Variants in SMUG1 observed in about 807,000 individuals in gnomAD.
SMUG1 encodes single-strand-selective monofunctional uracil-DNA glycosylase 1, also known as single-strand selective monofunctional uracil DNA glycosylase.
A neutral mutation model predicts 23.9 loss-of-function variants in SMUG1; 13 were observed. The observed-to-expected ratio is 0.54, with a 90% CI of 0.35 to 0.86. The LOEUF (loss-of-function observed/expected upper bound fraction) is 0.86. Ranked by LOEUF, SMUG1 falls within the 40% of genes least tolerant of loss-of-function variation. The probability of loss-of-function intolerance (pLI) is 0.01; values close to 1 mark genes in which losing one functional copy is unlikely to be tolerated. For synonymous variants in SMUG1, 133 were observed against 139.8 expected (o/e 0.95, Z 0.34); for missense variants, 313 against 339.5 (o/e 0.92, Z 0.61).
chr12:54,167,554 T>TC (rs889359597), intron 3 of SMUG1, among the ~76,000 whole-genome samples: 3 of 151,806 alleles, frequency 2.0e-5, no homozygotes. Context: ...GATACACGTC[T>TC]CTCCTCATGG....
chr12:54,174,586 G>A (rs1055787459), intron 2 of SMUG1, among the ~76,000 whole-genome samples: 3 of 152,232 alleles, frequency 2.0e-5, no homozygotes, highest in African/African-American at 7.2e-5. Context: ...GCAAAAACAT[G>A]TCCTCCACAT....
intron 3 of SMUG1, 110 bp from the exon 4 acceptor site, chr12:54,182,733 T>C (rs538667087): frequency 5.4e-6 from 8 of 1,491,808 alleles, no homozygotes; most frequent in Middle Eastern, 4.7e-4. Context: ...CTGCACCCCC[T>C]ACCCCTACCT....
chr12:54,172,196 G>C (rs1344916543), intron 2 of SMUG1: 1 of 426,330 alleles, frequency 2.3e-6, no homozygotes, highest in Non-Finnish European at 4.9e-6. Flanking sequence ...GAGTTTTACT[G>C]TAACTTATTA....
intron 2 of SMUG1, among the ~76,000 whole-genome samples, chr12:54,186,681 A>G (rs1466209836): frequency 1.3e-5 from 2 of 152,004 alleles, no homozygotes; most frequent in African/African-American, 4.8e-5. Flanking sequence ...GGTGATTCTG[A>G]TGGTTGGTGA....
At chr12:54,160,129 C>G (rs994381142), downstream of SMUG1, among the ~76,000 whole-genome samples, 1 of 152,140 alleles carries the variant, frequency 6.6e-6, no homozygotes, top group African/African-American at 2.4e-5. Flanking sequence ...GGGCAGGGAC[C>G]CCCCCACCCC....
At position 54,183,727 on chromosome 12, in the gene SMUG1, A is replaced by G; in HGVS notation, c.214T>C (p.Tyr72His). 1 of 1,614,038 alleles carries G rather than the reference A, an allele frequency of 6.2e-7. No homozygotes were observed. The highest frequency in any genetic ancestry group is 1.1e-5 in the South Asian group (1 of 91,074). ...AGTACTTCCTTGGGGCCCTGGCAGT[A>G]GCGAGTCACGTAGTTGCGATGTGGC... ...WEPHRNYVTR[Y>H]CQGPKEVLFL... is the part of the protein sequence containing the mutation. The change falls in exon 3 of 4, where the codon TAC becomes CAC. Residue 72 changes from tyrosine (Y) to histidine (H), a missense_variant. Physicochemically the swap from Tyr to His is moderately conservative, Grantham distance 83 (BLOSUM62 2). Transcript: ENST00000682136.
At chr12:54,167,124 G>A (rs1055842111) in intron 3 of SMUG1, among the ~76,000 whole-genome samples, 2 of 152,072 alleles carry the variant, frequency 1.3e-5, no homozygotes, top group African/African-American at 2.4e-5. Context: ...TCAAACTGAC[G>A]GACATTCCTA....
chr12:54,174,683 G>A (rs903311759), intron 2 of SMUG1, among the ~76,000 whole-genome samples: 3 of 152,244 alleles, frequency 2.0e-5, no homozygotes, highest in Non-Finnish European at 2.9e-5. Context: ...TGGCAACCTG[G>A]CTTGGCACAG....
At position 54,181,525 on chromosome 12, in the gene SMUG1, C is replaced by G; in HGVS notation, c.*571G>C. ...AATCAAAAAGTTCCAAGTTTCAAAG[C>G]TGGGATGAAAAGCCAGGTCTTCTGA... On this transcript the variant is annotated 3_prime_UTR_variant, in exon 4 of 4. Coordinates refer to ENST00000682136, the MANE Select transcript of SMUG1 (RefSeq NM_001243787.2). The G allele has an allele frequency of 1.2e-5, 18 of 1,535,674 alleles. No homozygotes were observed. The highest frequency in any genetic ancestry group is 1.6e-5 in the Non-Finnish European group (18 of 1,145,758).
downstream of SMUG1, among the ~76,000 whole-genome samples, chr12:54,160,245 C>T (rs912047735): frequency 1.3e-5 from 2 of 152,356 alleles, no homozygotes; most frequent in Non-Finnish European, 1.5e-5. Context: ...TATGCAAATG[C>T]CCTCATTAGA....
intron 3 of SMUG1, chr12:54,183,438 G>A (rs1275937613): frequency 3.4e-6 from 2 of 586,566 alleles, no homozygotes; most frequent in Admixed American, 6.1e-5. Context: ...AGCTCACAGG[G>A]AAAACGAAAC....
chr12:54,179,551 G>T (rs1282566133), downstream of SMUG1, among the ~76,000 whole-genome samples: 2 of 152,164 alleles, frequency 1.3e-5, no homozygotes, highest in Admixed American at 6.5e-5. Flanking sequence ...GAGAAGGAAA[G>T]GAGTCTATGG....
downstream of SMUG1, chr12:54,162,602 C>T (rs990821776): frequency 3.9e-5 from 6 of 152,158 alleles, no homozygotes; most frequent in African/African-American, 1.4e-4. Context: ...CTAGTGATGT[C>T]AAGCAAAGAG....
At chr12:54,166,876 C>T (rs1369991136) in intron 3 of SMUG1, among the ~76,000 whole-genome samples, 1 of 152,112 alleles carries the variant, frequency 6.6e-6, no homozygotes, top group Non-Finnish European at 1.5e-5. Flanking sequence ...GCTGCCCCTT[C>T]CCAGCAGCCA....
chr12:54,187,039 C>CT (rs1267377691), intron 2 of SMUG1: 1 of 152,126 alleles, frequency 6.6e-6, no homozygotes, highest in Non-Finnish European at 1.5e-5. Flanking sequence ...AAATAAACAG[C>CT]TTTTACCAAG....
chr12:54,180,510 G>C lies in SMUG1; in HGVS notation c.*1586C>G, dbSNP rs1287138370. 1 of 152,174 alleles carries C rather than the reference G, an allele frequency of 6.6e-6. No homozygotes were observed. Among genetic ancestry groups the C allele is most frequent in the Non-Finnish European group, 1.5e-5 (1 of 68,040 alleles). The allele number at this position is 152,174 out of a possible 1,614,324, so 9.4% of individuals were successfully genotyped here. ...GTGTTCCTCATTAAGGTGGTCTCAA[G>C]ACCTGCTCTGCTCCCAACTTGGTTC... On this transcript the variant is annotated 3_prime_UTR_variant, in exon 4 of 4. Coordinates refer to ENST00000682136, the MANE Select transcript of SMUG1 (RefSeq NM_001243787.2).
At chr12:54,164,361 T>A (rs975554222), downstream of SMUG1, 1 of 152,064 alleles carries the variant, frequency 6.6e-6, no homozygotes, top group African/African-American at 2.4e-5. Flanking sequence ...CAGGGAGTAC[T>A]GAGGGGCAAA....
At chr12:54,160,129 C>A (rs994381142), downstream of SMUG1, among the ~76,000 whole-genome samples, 2 of 152,140 alleles carry the variant, frequency 1.3e-5, no homozygotes, top group African/African-American at 4.8e-5. Flanking sequence ...GGGCAGGGAC[C>A]CCCCCACCCC....
intron 4 of SMUG1, chr12:54,165,018 G>A (rs997172378): frequency 6.6e-6 from 1 of 152,210 alleles, no homozygotes; most frequent in South Asian, 2.1e-4. Context: ...TGAGGCCTAC[G>A]ATGGTAAGTA....
Sources: allele counts gnomAD v4.1 joint callset (sites outside exome capture counted in the v4.1 genomes callset), GRCh38; gene constraint gnomAD v4.1.1; transcripts MANE v1.5; gene names NCBI Gene and HGNC (gene_info 2026-07-23, HGNC 2026-07-21).